The following LRRTM4 variants were observed in gnomAD, a reference collection of about 807,000 sequenced individuals.
The protein encoded by LRRTM4 is leucine rich repeat transmembrane neuronal 4, also known as leucine-rich repeat transmembrane neuronal protein 4.
LRRTM4 carries 25 observed loss-of-function variants against 47.6 expected under a neutral mutation model. That is an observed-to-expected ratio of 0.53 (90% CI 0.38 to 0.73). The LOEUF is 0.73. LRRTM4 is among the 30% of genes least tolerant of loss of function. LRRTM4 has a pLI of 0.00. For synonymous variants in LRRTM4, 311 were observed against 269.5 expected (o/e 1.15, Z -1.51); for missense variants, 638 against 713.4 (o/e 0.89, Z 1.20).
At chr2:76,932,881 C>A (rs1405020499) in intron 3 of LRRTM4, among the ~76,000 whole-genome samples, 1 of 152,030 alleles carries the variant, frequency 6.6e-6, no homozygotes, top group East Asian at 1.9e-4. Flanking sequence ...TTCTGGGGTA[C>A]ATATGCAGAA....
intron 3 of LRRTM4, among the ~76,000 whole-genome samples, chr2:76,791,085 C>G (rs1253994190): frequency 6.6e-6 from 1 of 152,168 alleles, no homozygotes; most frequent in Non-Finnish European, 1.5e-5. Flanking sequence ...GATGGCTTCA[C>G]AGGATCCAGA....
chr2:77,310,808 C>A (rs1261991072), intron 3 of LRRTM4, among the ~76,000 whole-genome samples: 14 of 151,978 alleles, frequency 9.2e-5, no homozygotes, highest in Admixed American at 9.2e-4. Context: ...AGCACTGCAG[C>A]ACTGGTAATA....
chr2:77,500,897 G>T (rs1174982367), intron 3 of LRRTM4, among the ~76,000 whole-genome samples: 2 of 151,428 alleles, frequency 1.3e-5, no homozygotes, highest in Non-Finnish European at 3.0e-5. Flanking sequence ...GATATATTGA[G>T]TGAAACAAAT....
intron 3 of LRRTM4, among the ~76,000 whole-genome samples, chr2:76,832,183 C>T (rs1210485301): frequency 6.6e-6 from 1 of 151,998 alleles, no homozygotes; most frequent in Non-Finnish European, 1.5e-5. Flanking sequence ...TCTTATTTGC[C>T]TTGTTTAGCA....
At chr2:76,773,237 C>A (rs1180798837) in intron 3 of LRRTM4, among the ~76,000 whole-genome samples, 1 of 152,230 alleles carries the variant, frequency 6.6e-6, no homozygotes, top group Non-Finnish European at 1.5e-5. Context: ...AAGTAGCAAA[C>A]CCAGATGGCC....
At chr2:77,396,048 G>A (rs917675632) in intron 3 of LRRTM4, among the ~76,000 whole-genome samples, 1 of 151,628 alleles carries the variant, frequency 6.6e-6, no homozygotes, top group African/African-American at 2.4e-5. Context: ...ACATTTCTTT[G>A]AACATTTAAA....
intron 3 of LRRTM4, among the ~76,000 whole-genome samples, chr2:77,231,994 G>A (rs1440870159): frequency 6.6e-6 from 1 of 151,944 alleles, no homozygotes; most frequent in Non-Finnish European, 1.5e-5. Context: ...TTATTCCTTT[G>A]TTCAGATACA....
At chr2:77,016,015 A>G (rs6741095) in intron 3 of LRRTM4, among the ~76,000 whole-genome samples, 36,951 of 151,928 alleles carry the variant, frequency 0.24, 4,761 homozygotes, top group East Asian at 0.42. Flanking sequence ...TGGGAAGCAG[A>G]GGTTGCAGTG....
chr2:76,774,996 G>A (rs964662683), intron 3 of LRRTM4, among the ~76,000 whole-genome samples: 6 of 152,126 alleles, frequency 3.9e-5, no homozygotes, highest in African/African-American at 1.4e-4. Context: ...CCATAAAGTT[G>A]TCTTCTTTTA....
intron 3 of LRRTM4, among the ~76,000 whole-genome samples, chr2:77,080,882 C>A (rs958870022): frequency 1.5e-4 from 23 of 152,122 alleles, no homozygotes; most frequent in African/African-American, 5.1e-4. Flanking sequence ...TTCACCACCT[C>A]TGCAAAGCTC....
At chr2:76,877,072 T>G (rs1357921331) in intron 3 of LRRTM4, among the ~76,000 whole-genome samples, 1 of 152,106 alleles carries the variant, frequency 6.6e-6, no homozygotes, top group African/African-American at 2.4e-5. Flanking sequence ...GGGTTTTTGA[T>G]AAATATAGAT....
intron 3 of LRRTM4, among the ~76,000 whole-genome samples, chr2:76,775,466 A>G (rs1345376112): frequency 6.6e-6 from 1 of 152,208 alleles, no homozygotes; most frequent in East Asian, 1.9e-4. Context: ...CAATATCAAA[A>G]GAACTCTAAA....
intron 3 of LRRTM4, among the ~76,000 whole-genome samples, chr2:76,868,822 G>A (rs1479331157): frequency 3.3e-5 from 5 of 152,050 alleles, no homozygotes; most frequent in East Asian, 3.9e-4. Flanking sequence ...ACTTTTCTGG[G>A]CAGTCTTTTT....
intron 3 of LRRTM4, among the ~76,000 whole-genome samples, chr2:77,240,319 C>T (rs1172351825): frequency 3.3e-5 from 5 of 151,826 alleles, no homozygotes; most frequent in African/African-American, 4.8e-5. Flanking sequence ...ACCATCTCAA[C>T]GAATGCAGAA....
intron 3 of LRRTM4, chr2:77,516,561 T>C (rs376719032): frequency 3.2e-6 from 3 of 951,030 alleles, no homozygotes; most frequent in African/African-American, 1.8e-5. Context: ...GATCACAAAA[T>C]ATAAGGAGAA....
At position 76,959,501 on chromosome 2, in the gene LRRTM4, G is replaced by A. The variant is rs548788689; in HGVS notation, c.1552-210585C>T. Among the ~76,000 whole-genome samples, 527 of 148,454 alleles carry A rather than the reference G, an allele frequency of 3.5e-3. 4 individuals carry two copies. The highest frequency in any genetic ancestry group is 0.012 in the African/African-American group (466 of 39,916). On this transcript the variant is annotated intron_variant, in intron 3 of 3. Transcript: ENST00000409884. The stretch of plus-strand genomic sequence containing the variant: ...GGAGAAATTATCCACCTTTAAAAAT[G>A]GGGTTTGTTCCATTAGACATTCCTG...
rs555398818 is a variant in LRRTM4, at chr2:77,231,586, T to C, written c.1551+286732A>G. Among the ~76,000 whole-genome samples, 7 of 152,238 alleles carry C rather than the reference T, an allele frequency of 4.6e-5. No individual in the cohort carries two copies. The South Asian group carries it at 1.0e-3, about 23-fold the overall frequency. On this transcript the variant is annotated intron_variant, in intron 3 of 3. Transcript: ENST00000409884. ...AGCCCATAAAGCTTAACAGTTATTA[T>C]CTGGTAATTTATAGAGAAAAATATG...
chr2:76,966,914 T>C (rs1676045075), intron 3 of LRRTM4, among the ~76,000 whole-genome samples: 2 of 151,510 alleles, frequency 1.3e-5, no homozygotes, highest in African/African-American at 4.8e-5. Flanking sequence ...CCTTAAATAT[T>C]TTCTTAAGGT....
chr2:76,780,113 G>C (rs951092452), intron 3 of LRRTM4, among the ~76,000 whole-genome samples: 1 of 152,192 alleles, frequency 6.6e-6, no homozygotes, highest in African/African-American at 2.4e-5. Flanking sequence ...GGCTTGCAGG[G>C]TTTCTGCCGA....
Sources: allele counts gnomAD v4.1 joint callset (sites outside exome capture counted in the v4.1 genomes callset), GRCh38; gene constraint gnomAD v4.1.1; transcripts MANE v1.5; gene names NCBI Gene and HGNC (gene_info 2026-07-23, HGNC 2026-07-21).